SLC22A23: variants seen among roughly 807,000 people sequenced by gnomAD.
SLC22A23 encodes solute carrier family 22 member 23.
Under a neutral mutation model 61.0 loss-of-function variants are expected in SLC22A23, and 26 were observed. That is an observed-to-expected ratio of 0.43 (90% CI 0.31 to 0.59). SLC22A23 has a LOEUF of 0.59. Ranked by LOEUF, SLC22A23 falls within the 20% of genes least tolerant of loss-of-function variation. The probability of loss-of-function intolerance (pLI) is 0.11; values close to 1 mark genes in which losing one functional copy is unlikely to be tolerated. For synonymous variants in SLC22A23, 430 were observed against 413.9 expected, an observed-to-expected ratio of 1.04 and a Z score of -0.47; for missense variants, 796 against 934.7, an observed-to-expected ratio of 0.85 and a Z score of 1.94.
chr6:3,303,664 G>A (rs927972023), intron 4 of SLC22A23, among the ~76,000 whole-genome samples: 3 of 152,140 alleles, frequency 2.0e-5, no homozygotes, highest in African/African-American at 7.2e-5. Context: ...TCATAGAAGT[G>A]AAAAGTAGAA....
intron 1 of SLC22A23, among the ~76,000 whole-genome samples, chr6:3,443,197 C>G (rs1024220501): frequency 4.5e-4 from 69 of 152,198 alleles, no homozygotes; most frequent in Admixed American, 2.1e-3. Context: ...TTGGGGAAAC[C>G]CTTGCCTAGC....
At chr6:3,291,149 G>A (rs577532209) in intron 5 of SLC22A23, 4 of 152,242 alleles carry the variant, frequency 2.6e-5, no homozygotes, top group African/African-American at 4.8e-5. Flanking sequence ...CTGGGAAGTC[G>A]AGTACTGGGA....
At chr6:3,356,432 A>G (rs560913609) in intron 3 of SLC22A23, among the ~76,000 whole-genome samples, 1 of 152,064 alleles carries the variant, frequency 6.6e-6, no homozygotes, top group South Asian at 2.1e-4. Context: ...GGGGCAGGGG[A>G]AGCCTCAGAG....
In SLC22A23 at chr6:3,454,386, C is replaced by G. The variant is rs1407478118; in HGVS notation, c.654+1520G>C. On this transcript the variant is annotated intron_variant, in intron 1 of 9. Coordinates refer to ENST00000406686, the MANE Select transcript of SLC22A23 (RefSeq NM_015482.2). This position sits in a 1 kb window ranked among gnomAD's most constrained non-coding sequence, Gnocchi z 4.3. Reference sequence around the variant, plus strand: ...GCACTCTATCCCATCTCATCACTTTCAAGTTCACCTCTACTTTGACCCCAG... The same window carrying G: ...GCACTCTATCCCATCTCATCACTTTGAAGTTCACCTCTACTTTGACCCCAG... Among the ~76,000 whole-genome samples, 5 of 152,168 alleles carry G rather than the reference C, an allele frequency of 3.3e-5. No homozygotes were observed. Among genetic ancestry groups the G allele is most frequent in the Admixed American group, 2.6e-4 (4 of 15,270 alleles).
intron 9 of SLC22A23, chr6:3,282,256 C>CG (rs1561862259): frequency 1.4e-6 from 1 of 702,532 alleles, no homozygotes; most frequent in Non-Finnish European, 2.6e-6. Context: ...AGCCTGCGGT[C>CG]GGCCTGAGGT....
intron 1 of SLC22A23, among the ~76,000 whole-genome samples, chr6:3,450,919 C>T (rs1052255361): frequency 3.3e-5 from 5 of 152,186 alleles, no homozygotes; most frequent in Non-Finnish European, 5.9e-5. Context: ...CTTTAAATAA[C>T]TTCTACTCTT....
At chr6:3,389,757 G>A (rs1041099428) in intron 3 of SLC22A23, among the ~76,000 whole-genome samples, 1 of 152,210 alleles carries the variant, frequency 6.6e-6, no homozygotes, top group Non-Finnish European at 1.5e-5. Context: ...CTGACTTACC[G>A]AAGGATCAGA....
In SLC22A23 at chr6:3,304,629, G is replaced by A. The variant is rs567004782; in HGVS notation, c.1083-6411C>T. Among the ~76,000 whole-genome samples, 14 of 151,412 alleles carry A rather than the reference G, an allele frequency of 9.2e-5. No individual in the cohort carries two copies. Among genetic ancestry groups the A allele is most frequent in the African/African-American group, 2.9e-4 (12 of 41,486 alleles). ...CGAGTTGGATAGAAGCCCGCATGGC[G>A]TGGGTTGTAGTGGGGGCAGTCCCAG... On this transcript the variant is annotated intron_variant, in intron 4 of 9. Transcript: ENST00000406686. The surrounding 1 kb of genome is among the most constrained non-coding windows in gnomAD (Gnocchi z 4.3).
chr6:3,455,452 T>A (rs147065322), intron 1 of SLC22A23, among the ~76,000 whole-genome samples: 1 of 152,376 alleles, frequency 6.6e-6, no homozygotes, highest in Non-Finnish European at 1.5e-5. Context: ...TTTGCTTCTC[T>A]GGCTCTCCAG....
At chr6:3,389,217 A>G (rs1767502290) in intron 3 of SLC22A23, among the ~76,000 whole-genome samples, 1 of 146,270 alleles carries the variant, frequency 6.8e-6, no homozygotes, top group Non-Finnish European at 1.5e-5. Context: ...GCAGTGAGCC[A>G]AGACTGCACC....
intron 6 of SLC22A23, 86 bp downstream of exon 6, chr6:3,289,677 TG>T: frequency 1.9e-6 from 2 of 1,053,772 alleles, no homozygotes; most frequent in Non-Finnish European, 2.8e-6. Context: ...TTCAGCGGGG[TG>T]GGGAGCAGGG....
intron 1 of SLC22A23, among the ~76,000 whole-genome samples, chr6:3,424,864 C>T (rs889580051): frequency 6.6e-6 from 1 of 152,196 alleles, no homozygotes; most frequent in African/African-American, 2.4e-5. Flanking sequence ...ACTATGTGGC[C>T]CTTTTTAGAA....
intron 4 of SLC22A23, among the ~76,000 whole-genome samples, chr6:3,316,165 T>C (rs1454462172): frequency 6.6e-6 from 1 of 152,140 alleles, no homozygotes; most frequent in African/African-American, 2.4e-5. Flanking sequence ...TGAGAACCAC[T>C]GACATTTGAA....
At chr6:3,436,274 T>C (rs1030718246) in intron 1 of SLC22A23, among the ~76,000 whole-genome samples, 6 of 152,154 alleles carry the variant, frequency 3.9e-5, no homozygotes, top group Non-Finnish European at 8.8e-5. Context: ...TAGCTGGGAT[T>C]ACAGGTGCCC....
chr6:3,303,304 CA>C (rs1046680773), intron 4 of SLC22A23: 3 of 152,102 alleles, frequency 2.0e-5, no homozygotes, highest in African/African-American at 7.2e-5. Context: ...AGAGGTTCCT[CA>C]AAAAACTACA....
At position 3,283,657 on chromosome 6, in the gene SLC22A23, AG is replaced by A. The variant is rs1331521869; in HGVS notation, c.1703+194del. ...CCTGCTGCTGCCTGGACAGGACCCC[AG>A]GGCCAGGTTCTCACTGCCTCTTGGG... On this transcript the variant is annotated intron_variant, in intron 9 of 9. Coordinates refer to ENST00000406686, the MANE Select transcript of SLC22A23 (RefSeq NM_015482.2). 1.0e-5 allele frequency: 8 copies of A among 771,466 alleles called. No homozygotes were observed. The Admixed American group carries it at 1.8e-4, about 18-fold the overall frequency. The allele number at this position is 771,466 out of a possible 1,614,324, so 47.8% of individuals were successfully genotyped here.
At chr6:3,452,599 T>TAAAAAAAAA (rs570923626) in intron 1 of SLC22A23, among the ~76,000 whole-genome samples, 3 of 40,536 alleles carry the variant, frequency 7.4e-5, no homozygotes, top group East Asian at 9.6e-4. Flanking sequence ...AGACGCTGTC[T>TAAAAAAAAA]AAAAAAAAAA....
In SLC22A23 at chr6:3,287,133, T is replaced by C. The variant is rs111449554; in HGVS notation, c.1314-42A>G. On this transcript the variant is annotated intron_variant, in intron 6 of 9. Transcript: ENST00000406686. ...AGCGGCAGTGGGTGGGCTGCCCCCATGCCAGGGGCTGCGCTGCCTCCTGGG... is the reference window on the plus strand; with the variant it reads ...AGCGGCAGTGGGTGGGCTGCCCCCACGCCAGGGGCTGCGCTGCCTCCTGGG... 3,679 of 1,577,560 alleles carry C rather than the reference T, an allele frequency of 2.3e-3. 79 individuals are homozygous for C. The African/African-American group carries it at 0.04, about 17-fold the overall frequency.
At chr6:3,366,155 CCT>C (rs1765798781) in intron 3 of SLC22A23, among the ~76,000 whole-genome samples, 1 of 151,598 alleles carries the variant, frequency 6.6e-6, no homozygotes, top group African/African-American at 2.4e-5. Context: ...ATGGTGAAAC[CCT>C]GTCTCTACTA....
Sources: gnomAD v4.1 joint callset for allele counts (sites outside exome capture counted in the v4.1 genomes callset) on GRCh38, gnomAD v4.1.1 for gene constraint, Gnocchi (gnomAD v3.1) non-coding constraint, MANE v1.5 for transcripts, NCBI Gene and HGNC (gene_info 2026-07-23, HGNC 2026-07-21) for gene names.